The following PDZRN4 variants were observed in gnomAD, a reference collection of about 807,000 sequenced individuals.
PDZRN4 encodes the protein PDZ domain containing ring finger 4.
PDZRN4 carries 70 observed loss-of-function variants against 99.0 expected under a neutral mutation model. The ratio of observed to expected loss-of-function variants is 0.71; its 90% CI spans 0.58 to 0.86. The LOEUF is 0.86. PDZRN4 is among the 40% of genes least tolerant of loss of function. The pLI, the probability that PDZRN4 is intolerant of heterozygous loss-of-function variation, is 0.00. For missense variants in PDZRN4, 1,474 were observed against 1,331.2 expected, an observed-to-expected ratio of 1.11 and a Z score of -1.67; for synonymous variants, 551 against 501.6, an observed-to-expected ratio of 1.10 and a Z score of -1.32.
chr12:41,249,424 G>T (rs1054581905), intron 3 of PDZRN4, among the ~76,000 whole-genome samples: 1 of 152,068 alleles, frequency 6.6e-6, no homozygotes, highest in African/African-American at 2.4e-5. Context: ...TTAGTATATG[G>T]GAACTTGCAC....
chr12:41,245,829 G>T (rs895303888), intron 3 of PDZRN4, among the ~76,000 whole-genome samples: 1 of 152,134 alleles, frequency 6.6e-6, no homozygotes, highest in South Asian at 2.1e-4. Flanking sequence ...GCAAAAGAAG[G>T]GCAGCCCCAC....
chr12:41,381,214 AC>A (rs1283741958), intron 3 of PDZRN4, among the ~76,000 whole-genome samples: 2 of 152,092 alleles, frequency 1.3e-5, no homozygotes, highest in Non-Finnish European at 2.9e-5. Context: ...TTTAGATTAA[AC>A]CTATTTAGGA....
chr12:41,532,027 T>G (rs1466947997), intron 5 of PDZRN4, among the ~76,000 whole-genome samples: 1 of 152,190 alleles, frequency 6.6e-6, no homozygotes, highest in Non-Finnish European at 1.5e-5. Context: ...AAAAGTAGTT[T>G]CTATTTGTAT....
intron 3 of PDZRN4, among the ~76,000 whole-genome samples, chr12:41,201,167 T>TAAA (rs5797714): frequency 1.9e-4 from 28 of 146,948 alleles, no homozygotes; most frequent in Non-Finnish European, 2.7e-4. Flanking sequence ...TTTGTGCAAT[T>TAAA]AAAAAAAAAA....
chr12:41,493,910 G>A (rs1235999371), intron 3 of PDZRN4, among the ~76,000 whole-genome samples: 1 of 146,350 alleles, frequency 6.8e-6, no homozygotes, highest in African/African-American at 2.5e-5. Flanking sequence ...ATGGGGGGGG[G>A]GATTCTCTTT....
rs78329241 is a variant in PDZRN4, at chr12:41,367,282, G to C, written c.844-139174G>C. Among the ~76,000 whole-genome samples, 587 of 152,080 alleles carry C rather than the reference G, an allele frequency of 3.9e-3. 1 individual carries two copies. The highest frequency in any genetic ancestry group is 0.014 in the African/African-American group (567 of 41,502). ...CCCAGCACTTTGGGAGGCCGAGGTG[G>C]GTGGATCACATAAGGTCAGGATTTT... On this transcript the variant is annotated intron_variant, in intron 3 of 9. Coordinates refer to ENST00000402685, the MANE Select transcript of PDZRN4 (RefSeq NM_001164595.2).
At chr12:41,207,482 AT>A (rs1950859171) in intron 3 of PDZRN4, among the ~76,000 whole-genome samples, 1 of 151,866 alleles carries the variant, frequency 6.6e-6, no homozygotes, top group African/African-American at 2.4e-5. Flanking sequence ...ATAATTAAAT[AT>A]CTTATAATGT....
intron 5 of PDZRN4, among the ~76,000 whole-genome samples, chr12:41,521,196 T>G (rs1938487042): frequency 6.6e-6 from 1 of 152,154 alleles, no homozygotes; most frequent in Non-Finnish European, 1.5e-5. Context: ...TATTTCTATT[T>G]GTTAGCAAAA....
intron 3 of PDZRN4, among the ~76,000 whole-genome samples, chr12:41,238,647 G>T (rs1951083305): frequency 6.6e-6 from 1 of 151,836 alleles, no homozygotes; most frequent in African/African-American, 2.4e-5. Context: ...CTGATCATTA[G>T]AGAAATTCCA....
At chr12:41,212,696 A>C (rs1438554177) in intron 3 of PDZRN4, among the ~76,000 whole-genome samples, 2 of 152,050 alleles carry the variant, frequency 1.3e-5, no homozygotes, top group Admixed American at 6.6e-5. Context: ...TAGTAAATGT[A>C]TGAGGGAAGT....
chr12:41,563,467 TA>T, intron 7 of PDZRN4, 80 bp from the exon 8 acceptor site: 2 of 1,014,504 alleles, frequency 2.0e-6, no homozygotes, highest in Non-Finnish European at 3.1e-6. Context: ...ACATTTACCA[TA>T]AATGAGCTGA....
At chr12:41,407,731 G>A (rs773765666) in intron 3 of PDZRN4, among the ~76,000 whole-genome samples, 21 of 151,794 alleles carry the variant, frequency 1.4e-4, no homozygotes, top group East Asian at 1.9e-4. Context: ...AAAACAAATG[G>A]CATATTAATC....
chr12:41,527,542 G>T (rs1414276452), intron 5 of PDZRN4, among the ~76,000 whole-genome samples: 1 of 152,166 alleles, frequency 6.6e-6, no homozygotes, highest in Non-Finnish European at 1.5e-5. Context: ...GTTGAGAATA[G>T]AAGAGGATTG....
chr12:41,402,089 A>AATATAT (rs148105881), intron 3 of PDZRN4, among the ~76,000 whole-genome samples: 12 of 70,362 alleles, frequency 1.7e-4, no homozygotes, highest in African/African-American at 7.2e-4. Context: ...AAAAAAAAGA[A>AATATAT]ATATATATAT....
intron 6 of PDZRN4, among the ~76,000 whole-genome samples, chr12:41,555,404 A>G (rs1419653435): frequency 6.7e-6 from 1 of 148,716 alleles, no homozygotes; most frequent in East Asian, 2.0e-4. Flanking sequence ...ACAAATGTGA[A>G]AAAAAAAAAG....
intron 3 of PDZRN4, among the ~76,000 whole-genome samples, chr12:41,309,423 T>G (rs1238130254): frequency 1.3e-5 from 2 of 152,074 alleles, no homozygotes; most frequent in Non-Finnish European, 2.9e-5. Flanking sequence ...GCTGAACTTG[T>G]CCTTTTATAA....
chr12:41,218,330 AG>A lies in PDZRN4; in HGVS notation c.843+24143del, dbSNP rs148722259. ...GACAGGGCACATGAGAGAGGTTCTC[AG>A]AGTGTTAAAGAAATACATCAAGGGC... On this transcript the variant is annotated intron_variant, in intron 3 of 9. Coordinates refer to ENST00000402685, the MANE Select transcript of PDZRN4 (RefSeq NM_001164595.2). 8.9e-3 allele frequency among the ~76,000 whole-genome samples: 1,356 copies of A among 152,178 alleles called. 20 individuals carry two copies. Among genetic ancestry groups the A allele is most frequent in the African/African-American group, 0.032 (1,316 of 41,548 alleles).
At chr12:41,514,108 C>T (rs1019465677) in intron 5 of PDZRN4, among the ~76,000 whole-genome samples, 2 of 151,978 alleles carry the variant, frequency 1.3e-5, no homozygotes, top group Non-Finnish European at 2.9e-5. Flanking sequence ...TAGAACTTTG[C>T]TTGAAGAGGT....
At chr12:41,462,336 T>C (rs914493961) in intron 3 of PDZRN4, among the ~76,000 whole-genome samples, 4 of 152,218 alleles carry the variant, frequency 2.6e-5, no homozygotes, top group African/African-American at 9.6e-5. Flanking sequence ...GCATTTCTTA[T>C]GTATATTTCT....
Sources: allele counts gnomAD v4.1 joint callset (sites outside exome capture counted in the v4.1 genomes callset), GRCh38; gene constraint gnomAD v4.1.1; transcripts MANE v1.5; gene names NCBI Gene and HGNC (gene_info 2026-07-23, HGNC 2026-07-21).